The following SPAG16 variants were observed in gnomAD, a reference collection of about 807,000 sequenced individuals.
The protein encoded by SPAG16 is sperm-associated antigen 16 protein.
A neutral mutation model predicts 80.4 loss-of-function variants in SPAG16; 86 were observed. The ratio of observed to expected loss-of-function variants is 1.07; its 90% CI spans 0.90 to 1.28. The LOEUF is 1.28. SPAG16 is among the 50% of genes most tolerant of loss of function. SPAG16 has a pLI of 0.00. For missense variants in SPAG16, 870 were observed against 765.3 expected (o/e 1.14, Z -1.61); for synonymous variants, 294 against 265.9 (o/e 1.11, Z -1.03).
chr2:214,101,890 C>A (rs2053060119), intron 13 of SPAG16, among the ~76,000 whole-genome samples: 1 of 152,108 alleles, frequency 6.6e-6, no homozygotes, highest in African/African-American at 2.4e-5. Flanking sequence ...AAGCTGCATC[C>A]TCCACCTGGA....
intron 10 of SPAG16, among the ~76,000 whole-genome samples, chr2:213,772,644 T>C (rs1282965042): frequency 2.0e-5 from 3 of 152,170 alleles, no homozygotes; most frequent in African/African-American, 7.2e-5. Context: ...CTGATTAGTA[T>C]AACTTTATAA....
chr2:213,447,779 T>C (rs182401813), intron 9 of SPAG16, among the ~76,000 whole-genome samples: 2 of 152,358 alleles, frequency 1.3e-5, no homozygotes, highest in East Asian at 1.9e-4. Context: ...AATGCATTAA[T>C]TGCCATTTAT....
At chr2:213,427,264 T>G (rs1266875665) in intron 9 of SPAG16, among the ~76,000 whole-genome samples, 1 of 152,188 alleles carries the variant, frequency 6.6e-6, no homozygotes, top group African/African-American at 2.4e-5. Context: ...AACTTTAACT[T>G]TCTCCAAAAC....
chr2:213,924,630 T>G (rs2078381579), intron 11 of SPAG16, among the ~76,000 whole-genome samples: 1 of 152,154 alleles, frequency 6.6e-6, no homozygotes, highest in Non-Finnish European at 1.5e-5. Flanking sequence ...CTAGGTAACT[T>G]TTTTTGGTAC....
At chr2:213,915,657 C>T (rs182429040) in intron 11 of SPAG16, among the ~76,000 whole-genome samples, 1 of 152,094 alleles carries the variant, frequency 6.6e-6, no homozygotes, top group East Asian at 1.9e-4. Context: ...AACGGGATTG[C>T]TGAGTCAAAT....
In SPAG16 at chr2:214,226,214, G is replaced by A. The variant is rs564848452; in HGVS notation, c.1720+76948G>A. ...CTGGCAGGTTGGTAGGGGCTAGCCC[G>A]TCTAGGATAGTCTTAGCTGGTATGA... On this transcript the variant is annotated intron_variant, in intron 15 of 15. Transcript: ENST00000331683. Among the ~76,000 whole-genome samples, 408 of 152,168 alleles carry A rather than the reference G, an allele frequency of 2.7e-3. 3 individuals carry two copies. Among genetic ancestry groups the A allele is most frequent in the African/African-American group, 9.4e-3 (389 of 41,534 alleles).
intron 10 of SPAG16, among the ~76,000 whole-genome samples, chr2:213,685,135 C>T (rs2064600330): frequency 6.6e-6 from 1 of 152,172 alleles, no homozygotes; most frequent in African/African-American, 2.4e-5. Flanking sequence ...GTGTAACAAA[C>T]ACAGGGACTG....
At chr2:214,147,551 G>A (rs1368723840) in intron 14 of SPAG16, among the ~76,000 whole-genome samples, 3 of 152,080 alleles carry the variant, frequency 2.0e-5, no homozygotes, top group Non-Finnish European at 4.4e-5. Flanking sequence ...ATCATTGAAA[G>A]CCCTTATATT....
chr2:214,064,280 A>G (rs148469488), intron 13 of SPAG16, among the ~76,000 whole-genome samples: 1 of 152,116 alleles, frequency 6.6e-6, no homozygotes, highest in African/African-American at 2.4e-5. Context: ...GTTTTTAATT[A>G]TACTTATATA....
chr2:214,056,116 C>T (rs13000060), intron 13 of SPAG16, among the ~76,000 whole-genome samples: 12,960 of 152,000 alleles, frequency 0.085, 684 homozygotes, highest in East Asian at 0.23. Context: ...AAGCTTTGAC[C>T]CTTAATACCC....
chr2:214,394,811 A>T (rs1471489108), intron 15 of SPAG16, among the ~76,000 whole-genome samples: 1 of 152,150 alleles, frequency 6.6e-6, no homozygotes. Context: ...TCATGATACT[A>T]TGGTATCGCA....
chr2:213,635,309 A>G (rs372584852), intron 10 of SPAG16, among the ~76,000 whole-genome samples: 14 of 152,256 alleles, frequency 9.2e-5, no homozygotes, highest in African/African-American at 3.4e-4. Context: ...TGCTCGGATT[A>G]CAGGCGTGAG....
chr2:213,945,508 G>A (rs898417605), intron 12 of SPAG16, among the ~76,000 whole-genome samples: 1 of 151,960 alleles, frequency 6.6e-6, no homozygotes, highest in African/African-American at 2.4e-5. Context: ...AAAGATGTAG[G>A]CTGGGAGGCT....
intron 10 of SPAG16, among the ~76,000 whole-genome samples, chr2:213,814,839 G>A (rs992103580): frequency 1.3e-5 from 2 of 151,036 alleles, no homozygotes; most frequent in Non-Finnish European, 2.9e-5. Flanking sequence ...GAAGATAAGG[G>A]GGTTAACTTT....
chr2:213,358,380 A>G (rs2065788702), intron 7 of SPAG16, among the ~76,000 whole-genome samples: 1 of 152,110 alleles, frequency 6.6e-6, no homozygotes, highest in Non-Finnish European at 1.5e-5. Context: ...TCTCCCCATC[A>G]CTTTCAGGTA....
chr2:213,758,800 A>G lies in SPAG16; in HGVS notation c.1071-103685A>G, dbSNP rs188553338. 1.2e-4 allele frequency among the ~76,000 whole-genome samples: 19 copies of G among 152,328 alleles called. No individual in the cohort carries two copies. In the East Asian group the frequency reaches 3.7e-3, roughly 29 times the overall value. On this transcript the variant is annotated intron_variant, in intron 10 of 15. Transcript: ENST00000331683. ...TCTGATAAAAGACATTAATATAAACATTCAAGAAATCCAACAGAATTCAAG... is the reference window on the plus strand; with the variant it reads ...TCTGATAAAAGACATTAATATAAACGTTCAAGAAATCCAACAGAATTCAAG...
intron 12 of SPAG16, among the ~76,000 whole-genome samples, chr2:213,992,235 A>C (rs1337924393): frequency 6.6e-6 from 1 of 152,164 alleles, no homozygotes; most frequent in Non-Finnish European, 1.5e-5. Context: ...TTTTACCAGA[A>C]CCTTACCGAG....
At chr2:214,082,591 G>A (rs985680197) in intron 13 of SPAG16, among the ~76,000 whole-genome samples, 3 of 152,052 alleles carry the variant, frequency 2.0e-5, no homozygotes, top group African/African-American at 7.2e-5. Flanking sequence ...CACACTGTTC[G>A]TCTTTTCATC....
Position 214,295,782 on chromosome 2 carries a change from C to T in SPAG16, c.1721-114358C>T, listed in dbSNP as rs771514677. ...TTCCAGCCTGGGCCACAGAACAAGA[C>T]TGTCTCAAAAAAAAAGGGAAAAGAA... On this transcript the variant is annotated intron_variant, in intron 15 of 15. Transcript: ENST00000331683. 2.6e-5 allele frequency among the ~76,000 whole-genome samples: 4 copies of T among 151,806 alleles called. No individual in the cohort carries two copies. The East Asian group carries it at 7.7e-4, about 29-fold the overall frequency.
Sources: gnomAD v4.1 joint callset for allele counts (sites outside exome capture counted in the v4.1 genomes callset) on GRCh38, gnomAD v4.1.1 for gene constraint, MANE v1.5 for transcripts, NCBI Gene and HGNC (gene_info 2026-07-23, HGNC 2026-07-21) for gene names.